CLSTN2: variants seen among roughly 807,000 people sequenced by gnomAD.
CLSTN2 encodes calsyntenin 2, also known as calsyntenin-2.
CLSTN2 carries 48 observed loss-of-function variants against 101.2 expected under a neutral mutation model. That is an observed-to-expected ratio of 0.47 (90% confidence interval 0.38 to 0.60). CLSTN2 has a LOEUF of 0.60. Among genes scored for constraint, CLSTN2 ranks in the 20% least tolerant of loss-of-function variants. The probability of loss-of-function intolerance (pLI) is 0.00; values close to 1 mark genes in which losing one functional copy is unlikely to be tolerated. For synonymous variants in CLSTN2, 481 were observed against 463.6 expected, an observed-to-expected ratio of 1.04 and a Z score of -0.48; for missense variants, 1,160 against 1,238.2, an observed-to-expected ratio of 0.94 and a Z score of 0.95.
chr3:140,558,863 G>A lies in CLSTN2; in HGVS notation c.2041+6G>A. ...CGGGGACGTGAAAACCACAGGTACAGGTGCATTTGAGTTTGTGGGGAGGGT... is the reference window on the plus strand; with the variant it reads ...CGGGGACGTGAAAACCACAGGTACAAGTGCATTTGAGTTTGTGGGGAGGGT... On this transcript the variant is annotated splice_donor_region_variant and intron_variant, in intron 12 of 16. Coordinates refer to ENST00000458420, the MANE Select transcript of CLSTN2 (RefSeq NM_022131.3). 6.2e-7 allele frequency: 1 copy of A among 1,611,828 alleles called. No homozygotes were observed. The highest frequency in any genetic ancestry group is 8.5e-7 in the Non-Finnish European group (1 of 1,179,104).
At chr3:140,439,137 C>G (rs2088717312) in intron 5 of CLSTN2, among the ~76,000 whole-genome samples, 1 of 152,222 alleles carries the variant, frequency 6.6e-6, no homozygotes, top group Non-Finnish European at 1.5e-5. Context: ...AGGATGGTTT[C>G]CTCTCACAGC....
At chr3:140,501,515 G>A (rs1169299967) in intron 8 of CLSTN2, among the ~76,000 whole-genome samples, 1 of 152,148 alleles carries the variant, frequency 6.6e-6, no homozygotes, top group Non-Finnish European at 1.5e-5. Flanking sequence ...GGGTTAATGG[G>A]AGCTCCATGC....
intron 2 of CLSTN2, among the ~76,000 whole-genome samples, chr3:140,402,991 A>G (rs1030488049): frequency 3.3e-5 from 5 of 152,246 alleles, no homozygotes; most frequent in African/African-American, 1.2e-4. Flanking sequence ...CATTTACTAC[A>G]GGTCTTGCAT....
At chr3:140,078,702 C>T (rs979231940) in intron 1 of CLSTN2, among the ~76,000 whole-genome samples, 7 of 152,076 alleles carry the variant, frequency 4.6e-5, no homozygotes, top group Admixed American at 6.5e-5. Context: ...AAAAGGAAAA[C>T]GGTGCAGGGG....
intron 1 of CLSTN2, among the ~76,000 whole-genome samples, chr3:140,044,244 C>G (rs183617974): frequency 6.6e-6 from 1 of 152,132 alleles, no homozygotes; most frequent in Non-Finnish European, 1.5e-5. Flanking sequence ...TGGTCCTTCA[C>G]GTCCCTTGTA....
At chr3:140,143,518 T>C (rs1249815716) in intron 1 of CLSTN2, among the ~76,000 whole-genome samples, 1 of 152,216 alleles carries the variant, frequency 6.6e-6, no homozygotes, top group African/African-American at 2.4e-5. Flanking sequence ...TTCAAATTGC[T>C]AATTTCCTCC....
intron 1 of CLSTN2, among the ~76,000 whole-genome samples, chr3:139,940,709 G>A (rs958452400): frequency 7.9e-5 from 12 of 152,052 alleles, no homozygotes; most frequent in Admixed American, 6.5e-4. Flanking sequence ...GCATACACAC[G>A]CATTTGGCTT....
intron 1 of CLSTN2, among the ~76,000 whole-genome samples, chr3:139,970,837 G>A (rs1181652855): frequency 6.6e-6 from 1 of 152,172 alleles, no homozygotes; most frequent in East Asian, 1.9e-4. Flanking sequence ...TGTAGAAATA[G>A]TTCTTATATG....
At position 140,564,037 on chromosome 3, in the gene CLSTN2, C is replaced by T. The variant is rs538000005; in HGVS notation, c.2559C>T (p.Tyr853=). The change falls in exon 16 of 17, where the codon TAC becomes TAT. Residue 853 remains tyrosine, a synonymous_variant. Coordinates refer to ENST00000458420, the MANE Select transcript of CLSTN2 (RefSeq NM_022131.3). ...TGTTTGTCGTGGCCATGGGTGTGTA[C>T]CGGGTCCGGATCGCCCACCAGCACT... ...MLVFVVAMGV[Y]RVRIAHQHFI... The T allele has an allele frequency of 2.5e-6, 4 of 1,614,128 alleles. No individual in the cohort carries two copies. In the South Asian group the frequency reaches 4.4e-5, roughly 18 times the overall value.
chr3:140,393,248 T>G (rs1231100409), intron 2 of CLSTN2, among the ~76,000 whole-genome samples: 1 of 152,150 alleles, frequency 6.6e-6, no homozygotes, highest in Non-Finnish European at 1.5e-5. Context: ...CTCAGCCCCA[T>G]GTTTGGACAC....
intron 1 of CLSTN2, among the ~76,000 whole-genome samples, chr3:140,108,871 G>T (rs1396003663): frequency 1.3e-5 from 2 of 152,190 alleles, no homozygotes; most frequent in African/African-American, 4.8e-5. Flanking sequence ...AGCATTTGTT[G>T]TACTCCTGCT....
intron 1 of CLSTN2, among the ~76,000 whole-genome samples, chr3:139,974,951 G>T (rs1935789549): frequency 6.6e-6 from 1 of 152,154 alleles, no homozygotes; most frequent in Admixed American, 6.5e-5. Context: ...AGATTACAGG[G>T]CTCTAAGGGG....
At chr3:140,403,918 G>A in intron 3 of CLSTN2, 94 bp downstream of exon 3, 1 of 1,054,750 alleles carries the variant, frequency 9.5e-7, no homozygotes, top group South Asian at 1.6e-5. Context: ...TTACCCTCTT[G>A]TCACACAATG....
At chr3:140,222,965 G>A (rs528365618) in intron 2 of CLSTN2, among the ~76,000 whole-genome samples, 1 of 150,972 alleles carries the variant, frequency 6.6e-6, no homozygotes, top group African/African-American at 2.4e-5. Context: ...TTAAATAAAT[G>A]TCCTCATTTT....
chr3:140,334,022 A>G (rs1296851401), intron 2 of CLSTN2, among the ~76,000 whole-genome samples: 1 of 152,160 alleles, frequency 6.6e-6, no homozygotes, highest in African/African-American at 2.4e-5. Context: ...AGAGCAAGAG[A>G]AGAAGGCGGG....
intron 1 of CLSTN2, among the ~76,000 whole-genome samples, chr3:139,976,033 A>C (rs1347464560): frequency 2.0e-5 from 3 of 152,214 alleles, no homozygotes; most frequent in Non-Finnish European, 4.4e-5. Flanking sequence ...AAGACTGAAA[A>C]ATACAACTAA....
At chr3:140,271,257 C>G (rs1559824961) in intron 2 of CLSTN2, among the ~76,000 whole-genome samples, 1 of 152,070 alleles carries the variant, frequency 6.6e-6, no homozygotes, top group Non-Finnish European at 1.5e-5. Context: ...AATGCCAGCT[C>G]GTGTTCAAGC....
chr3:140,268,492 C>T (rs540089485), intron 2 of CLSTN2, among the ~76,000 whole-genome samples: 1 of 152,300 alleles, frequency 6.6e-6, no homozygotes, highest in African/African-American at 2.4e-5. Context: ...TGTGCAAGGA[C>T]ACAGGCAGGC....
chr3:140,357,232 T>A (rs1001423939), intron 2 of CLSTN2, among the ~76,000 whole-genome samples: 1 of 152,192 alleles, frequency 6.6e-6, no homozygotes, highest in Admixed American at 6.5e-5. Context: ...TTGCCAGAAA[T>A]ATTACCAATT....
Sources: gnomAD v4.1 joint callset for allele counts (sites outside exome capture counted in the v4.1 genomes callset) on GRCh38, gnomAD v4.1.1 for gene constraint, MANE v1.5 for transcripts, NCBI Gene and HGNC (gene_info 2026-07-23, HGNC 2026-07-21) for gene names.